Variants in PCDHA11 observed in about 807,000 individuals in gnomAD.
PCDHA11 encodes the protein protocadherin alpha 11.
PCDHA11 carries 61 observed loss-of-function variants against 70.3 expected under a neutral mutation model. The observed-to-expected ratio is 0.87, with a 90% CI of 0.71 to 1.07. PCDHA11 has a LOEUF of 1.07. Ranked by LOEUF, PCDHA11 falls within the 50% of genes least tolerant of loss-of-function variation. The pLI is 0.00. For missense variants in PCDHA11, 1,324 were observed against 1,237.5 expected, an observed-to-expected ratio of 1.07 and a Z score of -1.05; for synonymous variants, 633 against 555.1, an observed-to-expected ratio of 1.14 and a Z score of -1.97.
chr5:140,943,679 A>C (rs973228943), intron 1 of PCDHA11, among the ~76,000 whole-genome samples: 3 of 152,248 alleles, frequency 2.0e-5, no homozygotes, highest in African/African-American at 7.2e-5. Context: ...TGTGAAAAAA[A>C]GGGATAAGGT....
rs370307660 is a variant in PCDHA11 at position 140,924,901 on chromosome 5, A to T, written c.2391+53407A>T. On this transcript the variant is annotated intron_variant, in intron 1 of 3. Transcript: ENST00000398640. The stretch of plus-strand genomic sequence containing the variant: ...CAGAGCAAGAACCTGTCTCAAAAAA[A>T]AAAATAAAATAAAATAAAATAAAAT... Among the ~76,000 whole-genome samples, 368 of 80,482 alleles carry T rather than the reference A, an allele frequency of 4.6e-3. 1 individual carries two copies. Among genetic ancestry groups the T allele is most frequent in the East Asian group, 9.1e-3 (17 of 1,868 alleles). The allele number at this position is 80,482 out of a possible 152,430, so 52.8% of individuals were successfully genotyped here. A position where few individuals can be genotyped will look rare whatever the true frequency, so the allele number is the denominator to read the frequency against.
At chr5:140,931,977 T>G (rs1207911799) in intron 1 of PCDHA11, among the ~76,000 whole-genome samples, 2 of 151,978 alleles carry the variant, frequency 1.3e-5, no homozygotes, top group Non-Finnish European at 2.9e-5. Flanking sequence ...TATGTGTTTA[T>G]ATTTTGCTCA....
At chr5:140,968,346 C>A in intron 1 of PCDHA11, 2 of 1,614,090 alleles carry the variant, frequency 1.2e-6, no homozygotes, top group Non-Finnish European at 1.7e-6. Context: ...ATTAACAGTG[C>A]CAGTGGCAGC....
rs1554169514 is a variant in PCDHA11, at chr5:140,877,250, A to C, written c.2391+5756A>C. On this transcript the variant is annotated intron_variant, in intron 1 of 3. Transcript: ENST00000398640. Reference sequence around the variant, plus strand: ...GTGGGTGCGGGCCACGTGGTGGCGAAAGTGCGCGCGGTGGACGCTGACTCC... The same window carrying C: ...GTGGGTGCGGGCCACGTGGTGGCGACAGTGCGCGCGGTGGACGCTGACTCC... 1.9e-6 allele frequency: 3 copies of C among 1,613,668 alleles called. No homozygotes were observed. In the African/African-American group the frequency reaches 4.0e-5, roughly 22 times the overall value.
At chr5:140,958,746 G>C (rs946339571) in intron 1 of PCDHA11, among the ~76,000 whole-genome samples, 1 of 152,066 alleles carries the variant, frequency 6.6e-6, no homozygotes, top group African/African-American at 2.4e-5. Flanking sequence ...AGAGAGAAAG[G>C]AGATTTTTAC....
intron 3 of PCDHA11, among the ~76,000 whole-genome samples, chr5:140,998,912 C>T (rs1256504660): frequency 6.6e-6 from 1 of 152,182 alleles, no homozygotes; most frequent in Admixed American, 6.6e-5. Context: ...CGGGAGGTAG[C>T]TATTATATCC....
At chr5:140,884,908 T>C (rs1056953779) in intron 1 of PCDHA11, among the ~76,000 whole-genome samples, 1 of 152,234 alleles carries the variant, frequency 6.6e-6, no homozygotes, top group Admixed American at 6.5e-5. Flanking sequence ...TGTTGTATTC[T>C]TAATAGTTCT....
Position 141,011,434 on chromosome 5 carries a change from C to A in PCDHA11, c.*1497C>A, listed in dbSNP as rs934032017. 6.5e-6 allele frequency: 1 copy of A among 153,726 alleles called. No homozygotes were observed. Among genetic ancestry groups the A allele is most frequent in the African/African-American group, 2.4e-5 (1 of 41,446 alleles). The allele number at this position is 153,726 out of a possible 1,614,324, so 9.5% of individuals were successfully genotyped here. The stretch of plus-strand genomic sequence containing the variant: ...ATGTGAATGTTAATGCAACTATTAC[C>A]TAGAGTGAACTTTAAGCTTTATTGT... On this transcript the variant is annotated 3_prime_UTR_variant, in exon 4 of 4. Transcript: ENST00000398640.
In PCDHA11 at chr5:140,941,191, T is replaced by C. The variant is rs184104978; in HGVS notation, c.2392-37758T>C. Among the ~76,000 whole-genome samples the C allele has an allele frequency of 2.1e-3, 199 of 93,252 alleles. 3 individuals are homozygous for C. Among genetic ancestry groups the C allele is most frequent in the South Asian group, 0.011 (39 of 3,542 alleles). The allele number at this position is 93,252 out of a possible 152,430, so 61.2% of individuals were successfully genotyped here. A position where few individuals can be genotyped will look rare whatever the true frequency, so the allele number is the denominator to read the frequency against. On this transcript the variant is annotated intron_variant, in intron 1 of 3. Transcript: ENST00000398640. ...CATCTTGAACATCCTGCTTCTTTTT[T>C]TTTCTTTCTTCCTTTCTTTCTTCCT...
chr5:140,962,389 G>A (rs551530521), intron 1 of PCDHA11, among the ~76,000 whole-genome samples: 3 of 152,170 alleles, frequency 2.0e-5, no homozygotes, highest in African/African-American at 4.8e-5. Context: ...TTAATATTAC[G>A]CAATCTGCCC....
chr5:140,901,549 A>T (rs1554189886), intron 1 of PCDHA11, among the ~76,000 whole-genome samples: 1 of 152,052 alleles, frequency 6.6e-6, no homozygotes, highest in Non-Finnish European at 1.5e-5. Context: ...ATTCTGTTCC[A>T]TTCATCTATG....
Position 140,871,062 on chromosome 5 carries a change from C to CT in PCDHA11, c.1959_1960insT (p.Gly654TrpfsTer2). The stretch of plus-strand genomic sequence containing the variant: ...GACTTCTAGTACTGGTGAAGGATCA[C>CT]GGTGAGCCGGCGCTGACGGCCACGG... On this transcript the variant is annotated frameshift_variant, in exon 1 of 4. Coordinates refer to ENST00000398640, the MANE Select transcript of PCDHA11 (RefSeq NM_018902.5). LOFTEE classifies it high-confidence loss of function. 6.2e-7 allele frequency: 1 copy of CT among 1,613,220 alleles called. No homozygotes were observed. Among genetic ancestry groups the CT allele is most frequent in the South Asian group, 1.1e-5 (1 of 91,074 alleles).
rs1284021507 is a variant in PCDHA11 at position 140,883,838 on chromosome 5, G to A, written c.2391+12344G>A. The A allele has an allele frequency of 1.9e-6, 3 of 1,612,620 alleles. No individual in the cohort carries two copies. In the Admixed American group the frequency reaches 5.0e-5, roughly 27 times the overall value. ...CAAGGTGTACGCGCTGCAGCCGTTG[G>A]ACCACGAGGAGCTGGAGCTGTTGCA... On this transcript the variant is annotated intron_variant, in intron 1 of 3. Coordinates refer to ENST00000398640, the MANE Select transcript of PCDHA11 (RefSeq NM_018902.5).
At chr5:140,911,057 TG>T (rs1554194586) in intron 1 of PCDHA11, among the ~76,000 whole-genome samples, 1 of 151,474 alleles carries the variant, frequency 6.6e-6, no homozygotes, top group Non-Finnish European at 1.5e-5. Context: ...TGGTGGGGGG[TG>T]GGTCCTGAGG....
At chr5:140,966,695 CGGGCGTGGGGCACGGCT>C (rs2096039584) in intron 1 of PCDHA11, 1 of 1,358,374 alleles carries the variant, frequency 7.4e-7, no homozygotes. Flanking sequence ...AGGCGGGGCC[CGGGCGTGGGGCACGGCT>C]GGGGAAGCTG....
intron 3 of PCDHA11, 32 bp from the exon 4 acceptor site, chr5:141,009,595 C>T (rs781807814): frequency 6.2e-7 from 1 of 1,604,124 alleles, no homozygotes; most frequent in Admixed American, 1.7e-5. Context: ...TGTGTTGACC[C>T]TGTTAATGAT....
At chr5:140,882,160 C>G (rs2058982745) in intron 1 of PCDHA11, 8 of 1,509,868 alleles carry the variant, frequency 5.3e-6, no homozygotes, top group Non-Finnish European at 7.1e-6. Flanking sequence ...CGGAATACCT[C>G]TTGCGAATCC....
At chr5:140,917,332 G>GT (rs1293292013) in intron 1 of PCDHA11, among the ~76,000 whole-genome samples, 2 of 145,540 alleles carry the variant, frequency 1.4e-5, no homozygotes, top group Non-Finnish European at 3.0e-5. Flanking sequence ...GGCGGGGGAG[G>GT]GGGGGGATGG....
chr5:140,968,355 G>C lies in PCDHA11; in HGVS notation c.2392-10594G>C. On this transcript the variant is annotated intron_variant, in intron 1 of 3. Transcript: ENST00000398640. ...GTCTCCATTAACAGTGCCAGTGGCA[G>C]CCTTTATGCTGTCAACTCCTTTGAC... 1 of 1,614,080 alleles carries C rather than the reference G, an allele frequency of 6.2e-7. No individual in the cohort carries two copies. The highest frequency in any genetic ancestry group is 8.5e-7 in the Non-Finnish European group (1 of 1,180,010).
Sources: allele counts gnomAD v4.1 joint callset (sites outside exome capture counted in the v4.1 genomes callset), GRCh38; gene constraint gnomAD v4.1.1; transcripts MANE v1.5; gene names NCBI Gene and HGNC (gene_info 2026-07-23, HGNC 2026-07-21).